ASIC2: variants seen among roughly 807,000 people sequenced by gnomAD.
The protein encoded by ASIC2 is acid sensing ion channel subunit 2.
A neutral mutation model predicts 57.3 loss-of-function variants in ASIC2; 25 were observed. The observed-to-expected ratio is 0.44, with a 90% CI of 0.32 to 0.61. The LOEUF is 0.61. Ranked by LOEUF, ASIC2 falls within the 20% of genes least tolerant of loss-of-function variation. The probability of loss-of-function intolerance (pLI) is 0.06; values close to 1 mark genes in which losing one functional copy is unlikely to be tolerated. For missense variants in ASIC2, 641 were observed against 738.1 expected (o/e 0.87, Z 1.52); for synonymous variants, 319 against 307.5 (o/e 1.04, Z -0.39).
intron 1 of ASIC2, among the ~76,000 whole-genome samples, chr17:33,450,069 A>G (rs545910537): frequency 1.9e-4 from 29 of 152,188 alleles, no homozygotes; most frequent in Non-Finnish European, 3.4e-4. Context: ...ACACCCGGCC[A>G]TCACAAAATA....
At chr17:33,543,658 C>T (rs1343210962) in intron 1 of ASIC2, among the ~76,000 whole-genome samples, 1 of 152,160 alleles carries the variant, frequency 6.6e-6, no homozygotes, top group East Asian at 1.9e-4. Flanking sequence ...TATTCTTTGT[C>T]AAGTTCCCCA....
chr17:33,579,464 A>G lies in ASIC2; in HGVS notation c.556-467397T>C, dbSNP rs561008706. On this transcript the variant is annotated intron_variant, in intron 1 of 9. Coordinates refer to the ASIC2 transcript ENST00000359872. The stretch of plus-strand genomic sequence containing the variant: ...TGCGGGGTACCCATCCAGTTTATTC[A>G]TTCAACATTCATTGAGAATCACGTG... 1.7e-4 allele frequency among the ~76,000 whole-genome samples: 26 copies of G among 152,224 alleles called. No homozygotes were observed. The South Asian group carries it at 5.4e-3, about 32-fold the overall frequency.
chr17:33,602,311 G>T (rs1905132166), intron 1 of ASIC2, among the ~76,000 whole-genome samples: 1 of 152,228 alleles, frequency 6.6e-6, no homozygotes, highest in South Asian at 2.1e-4. Context: ...GGTGTTGAGA[G>T]ATGGGACTTT....
At chr17:33,276,308 T>G (rs1169832395) in intron 1 of ASIC2, among the ~76,000 whole-genome samples, 1 of 152,144 alleles carries the variant, frequency 6.6e-6, no homozygotes, top group Non-Finnish European at 1.5e-5. Flanking sequence ...TATGAATGAC[T>G]TAATTGAATG....
chr17:33,445,689 C>T (rs770185019), intron 1 of ASIC2, among the ~76,000 whole-genome samples: 1 of 151,532 alleles, frequency 6.6e-6, no homozygotes, highest in African/African-American at 2.4e-5. Context: ...CCCAGCTACT[C>T]GAGAGGCTGA....
At chr17:33,061,374 G>T (rs1310767457) in intron 3 of ASIC2, among the ~76,000 whole-genome samples, 1 of 152,136 alleles carries the variant, frequency 6.6e-6, no homozygotes, top group Non-Finnish European at 1.5e-5. Context: ...GGCATGAAGG[G>T]CTGTTGAATT....
At position 33,147,622 on chromosome 17, in the gene ASIC2, G is replaced by A. The variant is rs146327110; in HGVS notation, c.709-35555C>T. On this transcript the variant is annotated intron_variant, in intron 1 of 9. Coordinates refer to ENST00000225823, the MANE Select transcript of ASIC2 (RefSeq NM_183377.2). ...ACTACGGTGCAGCAGCACAGAGGAG[G>A]TAAAATAATCTTTCTGTGTTTGTGC... Among the ~76,000 whole-genome samples the A allele has an allele frequency of 9.2e-4, 140 of 152,212 alleles. 2 individuals carry two copies. The East Asian group carries it at 0.025, about 27-fold the overall frequency.
intron 1 of ASIC2, among the ~76,000 whole-genome samples, chr17:33,383,918 A>G (rs1467038564): frequency 6.6e-6 from 1 of 152,232 alleles, no homozygotes; most frequent in Non-Finnish European, 1.5e-5. Flanking sequence ...ACTTAGCAGA[A>G]GCATCAAAGG....
intron 1 of ASIC2, among the ~76,000 whole-genome samples, chr17:34,113,974 T>A (rs1048275146): frequency 2.0e-5 from 3 of 152,236 alleles, no homozygotes; most frequent in Non-Finnish European, 4.4e-5. Context: ...GATGAAGAGC[T>A]TGAGGCACCA....
At chr17:33,503,147 A>G (rs969179362) in intron 1 of ASIC2, among the ~76,000 whole-genome samples, 2 of 152,198 alleles carry the variant, frequency 1.3e-5, no homozygotes, top group Admixed American at 6.5e-5. Flanking sequence ...TGATTTATAA[A>G]GCATATACCC....
At chr17:33,705,457 G>A (rs1908835125) in intron 1 of ASIC2, among the ~76,000 whole-genome samples, 1 of 152,134 alleles carries the variant, frequency 6.6e-6, no homozygotes, top group East Asian at 1.9e-4. Flanking sequence ...ACAAAATTAA[G>A]AATTTTAAGT....
intron 1 of ASIC2, among the ~76,000 whole-genome samples, chr17:33,676,906 G>C (rs1248203755): frequency 2.0e-5 from 3 of 152,120 alleles, no homozygotes; most frequent in Non-Finnish European, 2.9e-5. Context: ...TTATGGTTTG[G>C]TGCTGTCCTC....
At chr17:33,462,706 G>A (rs1215003915) in intron 1 of ASIC2, among the ~76,000 whole-genome samples, 3 of 152,206 alleles carry the variant, frequency 2.0e-5, no homozygotes, top group Non-Finnish European at 4.4e-5. Flanking sequence ...TGGTAAGTAT[G>A]ATCTATAAGT....
intron 1 of ASIC2, among the ~76,000 whole-genome samples, chr17:33,467,916 T>C (rs1912918506): frequency 6.6e-6 from 1 of 152,222 alleles, no homozygotes; most frequent in African/African-American, 2.4e-5. Flanking sequence ...TTGGCCATGG[T>C]CACTCATATT....
chr17:33,756,845 A>G (rs1910618341), intron 1 of ASIC2, among the ~76,000 whole-genome samples: 1 of 152,224 alleles, frequency 6.6e-6, no homozygotes, highest in South Asian at 2.1e-4. Flanking sequence ...TCAGGAACTG[A>G]GTGCCTTTAA....
intron 1 of ASIC2, among the ~76,000 whole-genome samples, chr17:33,124,183 A>T (rs1423296254): frequency 6.6e-6 from 1 of 152,210 alleles, no homozygotes; most frequent in Non-Finnish European, 1.5e-5. Context: ...AACTGCTCGG[A>T]GAATGTCATT....
rs117621507 is a variant in ASIC2, at chr17:33,075,253, G to A, written c.987+13610C>T. Among the ~76,000 whole-genome samples the A allele has an allele frequency of 4.4e-3, 672 of 152,176 alleles. 3 individuals are homozygous for A. Among genetic ancestry groups the A allele is most frequent in the South Asian group, 0.017 (82 of 4,824 alleles). ...TGGCTCTCATTCTCTCTTGTCTGCC[G>A]CCACGTAAGACATGCCTTTTACCTT... is the stretch of plus-strand genomic sequence containing the variant. On this transcript the variant is annotated intron_variant, in intron 3 of 9. Transcript: ENST00000225823.
At chr17:33,030,808 G>C (rs564381328) in intron 3 of ASIC2, among the ~76,000 whole-genome samples, 3 of 152,022 alleles carry the variant, frequency 2.0e-5, no homozygotes, top group Non-Finnish European at 4.4e-5. Flanking sequence ...ACAGTGAATG[G>C]TATTGATTGA....
rs776265732 is a variant in ASIC2 at position 34,115,921 on chromosome 17, G to T, written c.555+40057C>A. On this transcript the variant is annotated intron_variant, in intron 1 of 9. Transcript: ENST00000359872. ...AACAATTTTAACAGCAGATAATGGG[G>T]AGAAGGCTGATGGGATCCACTCTAT... is the stretch of plus-strand genomic sequence containing the variant. Among the ~76,000 whole-genome samples, 27 of 152,178 alleles carry T rather than the reference G, an allele frequency of 1.8e-4. 1 individual carries two copies. Among genetic ancestry groups the T allele is most frequent in the Non-Finnish European group, 3.2e-4 (22 of 68,040 alleles).
Sources: gnomAD v4.1 joint callset for allele counts (sites outside exome capture counted in the v4.1 genomes callset) on GRCh38, gnomAD v4.1.1 for gene constraint, MANE v1.5 for transcripts, NCBI Gene and HGNC (gene_info 2026-07-23, HGNC 2026-07-21) for gene names.